SCHIP1: variants seen among roughly 807,000 people sequenced by gnomAD.
SCHIP1 encodes the protein schwannomin-interacting protein 1.
A neutral mutation model predicts 29.7 loss-of-function variants in SCHIP1; 8 were observed. The ratio of observed to expected loss-of-function variants is 0.27; its 90% CI spans 0.16 to 0.49. SCHIP1 has a LOEUF of 0.49. Among genes scored for constraint, SCHIP1 ranks in the 20% least tolerant of loss-of-function variants. SCHIP1 has a pLI of 0.99. For missense variants in SCHIP1, 193 were observed against 294.6 expected (o/e 0.66, Z 2.52); for synonymous variants, 76 against 94.9 (o/e 0.80, Z 1.16).
chr3:159,582,994 G>C, the SCHIP1 span, among the ~76,000 whole-genome samples: 1 of 151,910 alleles, frequency 6.6e-6, no homozygotes, highest in Non-Finnish European at 1.5e-5. Flanking sequence ...TCTTAATACA[G>C]TATTTTGTTG....
chr3:159,835,699 C>A (rs1455407003), upstream of SCHIP1, among the ~76,000 whole-genome samples: 1 of 152,136 alleles, frequency 6.6e-6, no homozygotes, highest in Non-Finnish European at 1.5e-5. Flanking sequence ...GACAAATATA[C>A]ACACCTGTAT....
At position 159,843,846 on chromosome 3, in the gene SCHIP1, A is replaced by AAAAAAAAAG. The variant is rs150055870; in HGVS notation, c.30+3632_30+3633insAAAAAAAAG. 3.6e-5 allele frequency among the ~76,000 whole-genome samples: 5 copies of AAAAAAAAAG among 140,094 alleles called. 1 individual carries two copies. The highest frequency in any genetic ancestry group is 7.2e-5 in the Admixed American group (1 of 13,876). The allele number at this position is 140,094 out of a possible 152,430, so 91.9% of individuals were successfully genotyped here. The stretch of plus-strand genomic sequence containing the variant: ...TCAAAAAAAAAAAAAAAAAAAAAAA[A>AAAAAAAAAG]GCATTGTAAACATTCTATGGCATTT... On this transcript the variant is annotated intron_variant, in intron 1 of 6. Transcript: ENST00000445224.
At chr3:159,277,847 G>A in the SCHIP1 span, among the ~76,000 whole-genome samples, 1 of 151,952 alleles carries the variant, frequency 6.6e-6, no homozygotes, top group Non-Finnish European at 1.5e-5. Flanking sequence ...CCCACTGGGT[G>A]GAGGTTGCAA....
At chr3:159,520,118 C>G in the SCHIP1 span, among the ~76,000 whole-genome samples, 2 of 150,032 alleles carry the variant, frequency 1.3e-5, no homozygotes, top group South Asian at 4.2e-4. Context: ...AAAAAAAACT[C>G]CCAGCTCAGT....
chr3:159,842,997 CTTTCTTTTTTTTT>C lies in SCHIP1; in HGVS notation c.30+2787_30+2799del, dbSNP rs1469846974. On this transcript the variant is annotated intron_variant, in intron 1 of 6. Transcript: ENST00000445224. ...GCTCTCCAGTTCTATCCCAATATTT[CTTTCTTTTTTTTT>C]TTTTTTTTTTTTTTTTTTTGAGATG... Among the ~76,000 whole-genome samples the C allele has an allele frequency of 2.3e-3, 141 of 61,770 alleles. 10 individuals carry two copies. In the East Asian group the frequency reaches 0.039, roughly 17 times the overall value. The allele number at this position is 61,770 out of a possible 152,430, so 40.5% of individuals were successfully genotyped here. A position where few individuals can be genotyped will look rare whatever the true frequency, so the allele number is the denominator to read the frequency against.
At chr3:159,355,545 A>T in the SCHIP1 span, among the ~76,000 whole-genome samples, 5 of 152,202 alleles carry the variant, frequency 3.3e-5, no homozygotes, top group African/African-American at 9.7e-5. Context: ...AGATGCATGA[A>T]ATAGAAACTT....
the SCHIP1 span, among the ~76,000 whole-genome samples, chr3:159,508,859 A>G: frequency 6.6e-6 from 1 of 152,166 alleles, no homozygotes; most frequent in Non-Finnish European, 1.5e-5. Flanking sequence ...CTGTTCTTTT[A>G]CATTTGCTGA....
the SCHIP1 span, among the ~76,000 whole-genome samples, chr3:159,638,270 T>C: frequency 2.0e-5 from 3 of 152,204 alleles, no homozygotes; most frequent in Admixed American, 1.3e-4. Flanking sequence ...GCTCTGTCAC[T>C]CTACAAGATT....
the SCHIP1 span, among the ~76,000 whole-genome samples, chr3:159,785,182 G>A: frequency 0.063 from 9,526 of 152,086 alleles, 955 homozygotes; most frequent in African/African-American, 0.21. Context: ...ACTTTTCTCC[G>A]TTAGTAAATA....
At chr3:159,893,084 A>G (rs958612986) in intron 6 of SCHIP1, 19 of 152,248 alleles carry the variant, frequency 1.2e-4, no homozygotes, top group African/African-American at 4.1e-4. Flanking sequence ...TGTAGTGATA[A>G]TAATGCTCCC....
chr3:159,289,824 G>T, the SCHIP1 span, among the ~76,000 whole-genome samples: 18 of 152,262 alleles, frequency 1.2e-4, no homozygotes, highest in Non-Finnish European at 1.8e-4. Context: ...AATAAATGGC[G>T]GCATATTTCA....
the SCHIP1 span, among the ~76,000 whole-genome samples, chr3:159,468,756 A>T: frequency 3.5e-4 from 43 of 123,846 alleles, no homozygotes; most frequent in East Asian, 1.7e-3. Flanking sequence ...TATATAATAT[A>T]ATATATATAT....
the SCHIP1 span, among the ~76,000 whole-genome samples, chr3:159,393,163 T>C: frequency 6.6e-6 from 1 of 152,222 alleles, no homozygotes; most frequent in Admixed American, 6.5e-5. Context: ...TGGGGTTGTT[T>C]GTTTTTTTCT....
At chr3:159,678,742 C>T in the SCHIP1 span, among the ~76,000 whole-genome samples, 2 of 152,188 alleles carry the variant, frequency 1.3e-5, no homozygotes, top group Admixed American at 6.5e-5. Context: ...GTTTAATTGA[C>T]TTACAGTTCC....
At chr3:159,688,805 TTTCTGCATA>T in the SCHIP1 span, among the ~76,000 whole-genome samples, 4 of 152,210 alleles carry the variant, frequency 2.6e-5, no homozygotes, top group African/African-American at 7.2e-5. Context: ...CAGTTCCAGT[TTTCTGCATA>T]TGGCTAGCCA....
chr3:159,574,326 G>T, the SCHIP1 span, among the ~76,000 whole-genome samples: 2 of 152,298 alleles, frequency 1.3e-5, no homozygotes, highest in East Asian at 3.9e-4. Context: ...TGATGTTGAT[G>T]CTATTCCTTT....
At chr3:159,716,068 A>G in the SCHIP1 span, among the ~76,000 whole-genome samples, 548 of 152,368 alleles carry the variant, frequency 3.6e-3, 4 homozygotes, top group Non-Finnish European at 5.2e-3. Flanking sequence ...GAAACTCTAC[A>G]AGCCAGAAGA....
chr3:159,736,758 G>A, the SCHIP1 span, among the ~76,000 whole-genome samples: 3 of 147,562 alleles, frequency 2.0e-5, no homozygotes, highest in South Asian at 2.1e-4. Context: ...TTTTTGAGAC[G>A]GAGTCTCGCT....
At chr3:159,884,371 G>T (rs979813903) in intron 2 of SCHIP1, among the ~76,000 whole-genome samples, 1 of 151,576 alleles carries the variant, frequency 6.6e-6, no homozygotes, top group Admixed American at 6.6e-5. Flanking sequence ...GTGTGTGTGT[G>T]TGTGTGTGTG....
Sources: allele counts gnomAD v4.1 joint callset (sites outside exome capture counted in the v4.1 genomes callset), GRCh38; gene constraint gnomAD v4.1.1; transcripts MANE v1.5; gene names NCBI Gene and HGNC (gene_info 2026-07-23, HGNC 2026-07-21).